The following MPZL1 variants were observed in gnomAD, a reference collection of about 807,000 sequenced individuals.
MPZL1 encodes the protein myelin protein zero like 1, also known as myelin protein zero-like protein 1.
MPZL1 carries 16 observed loss-of-function variants against 29.3 expected under a neutral mutation model. The observed-to-expected ratio is 0.55, with a 90% CI of 0.37 to 0.83. The LOEUF (loss-of-function observed/expected upper bound fraction) is 0.83, where lower values mean the gene tolerates loss of function less well. Ranked by LOEUF, MPZL1 falls within the 40% of genes least tolerant of loss-of-function variation. The probability of loss-of-function intolerance (pLI) is 0.00; values close to 1 mark genes in which losing one functional copy is unlikely to be tolerated. For synonymous variants in MPZL1, 143 were observed against 132.0 expected (o/e 1.08, Z -0.57); for missense variants, 279 against 332.9 (o/e 0.84, Z 1.26).
chr1:167,729,541 C>T (rs1274027745), intron 1 of MPZL1, among the ~76,000 whole-genome samples: 1 of 152,108 alleles, frequency 6.6e-6, no homozygotes, highest in Non-Finnish European at 1.5e-5. Context: ...ATACTTTCTT[C>T]CAAAGGGTGT....
At chr1:167,736,031 A>G (rs939017962) in intron 1 of MPZL1, among the ~76,000 whole-genome samples, 3 of 152,148 alleles carry the variant, frequency 2.0e-5, no homozygotes, top group Non-Finnish European at 4.4e-5. Context: ...GCCATCTGAT[A>G]TTACCAAATC....
intron 1 of MPZL1, among the ~76,000 whole-genome samples, chr1:167,745,780 A>C (rs923253394): frequency 6.6e-6 from 1 of 152,104 alleles, no homozygotes; most frequent in South Asian, 2.1e-4. Context: ...TAGATGCCAG[A>C]AGCCAGGGAG....
chr1:167,749,693 G>C (rs1349211367), intron 1 of MPZL1, among the ~76,000 whole-genome samples: 1 of 152,146 alleles, frequency 6.6e-6, no homozygotes, highest in East Asian at 1.9e-4. Flanking sequence ...TTTAAATTCT[G>C]TTTCTGTTCT....
intron 2 of MPZL1, among the ~76,000 whole-genome samples, chr1:167,772,011 C>G (rs1661260834): frequency 6.6e-6 from 1 of 151,748 alleles, no homozygotes; most frequent in Non-Finnish European, 1.5e-5. Context: ...CAATCCCAGG[C>G]AGTCGGCAGC....
chr1:167,745,413 G>A (rs970955704), intron 1 of MPZL1, among the ~76,000 whole-genome samples: 15 of 152,086 alleles, frequency 9.9e-5, no homozygotes, highest in African/African-American at 3.6e-4. Flanking sequence ...TGTCAAGAAT[G>A]TTTTTGGAAC....
chr1:167,726,103 C>T (rs1660140107), intron 1 of MPZL1, among the ~76,000 whole-genome samples: 1 of 152,144 alleles, frequency 6.6e-6, no homozygotes, highest in African/African-American at 2.4e-5. Flanking sequence ...CCTCTATGAC[C>T]TCAACTTGTA....
intron 1 of MPZL1, among the ~76,000 whole-genome samples, chr1:167,737,056 A>G (rs1660392013): frequency 6.6e-6 from 1 of 152,090 alleles, no homozygotes; most frequent in South Asian, 2.1e-4. Context: ...TAGCTTTCTC[A>G]TCTCAGATGT....
Position 167,788,975 on chromosome 1 carries a change from T to C in MPZL1, c.*1054T>C, listed in dbSNP as rs751889161. The C allele has an allele frequency of 2.7e-5, 4 of 150,802 alleles. No homozygotes were observed. Among genetic ancestry groups the C allele is most frequent in the Admixed American group, 6.7e-5 (1 of 15,020 alleles). The allele number at this position is 150,802 out of a possible 1,614,324, so 9.3% of individuals were successfully genotyped here. On this transcript the variant is annotated 3_prime_UTR_variant, in exon 6 of 6. Transcript: ENST00000359523. ...GATTCTCCCTCCTCAGCCTCCCGAG[T>C]AGCTGGAACGAACTATAGTTGCACC...
chr1:167,738,011 C>T (rs780289214), intron 1 of MPZL1, among the ~76,000 whole-genome samples: 5 of 152,050 alleles, frequency 3.3e-5, no homozygotes, highest in Non-Finnish European at 7.4e-5. Context: ...CTGCAAGCTC[C>T]GCCTCCTGGG....
intron 1 of MPZL1, among the ~76,000 whole-genome samples, chr1:167,764,494 G>T (rs1661066741): frequency 1.3e-5 from 2 of 152,154 alleles, no homozygotes; most frequent in South Asian, 4.2e-4. Flanking sequence ...AGGTATGATT[G>T]CACTAACAAA....
intron 1 of MPZL1, among the ~76,000 whole-genome samples, chr1:167,749,887 A>G (rs1196783908): frequency 6.6e-6 from 1 of 152,256 alleles, no homozygotes; most frequent in East Asian, 1.9e-4. Context: ...CCTGATCTGC[A>G]TGGAGTAGAC....
intron 5 of MPZL1, among the ~76,000 whole-genome samples, chr1:167,782,429 A>C (rs542808066): frequency 7.6e-4 from 115 of 152,244 alleles, no homozygotes; most frequent in African/African-American, 2.7e-3. Flanking sequence ...TAATTTGAAG[A>C]CTGTACTTAC....
Position 167,753,820 on chromosome 1 carries a change from G to T in MPZL1, c.92-11763G>T, listed in dbSNP as rs899277175. 5.3e-5 allele frequency among the ~76,000 whole-genome samples: 8 copies of T among 152,022 alleles called. No individual in the cohort carries two copies. In the East Asian group the frequency reaches 1.5e-3, roughly 29 times the overall value. ...AATTTTCGTATTTTTAGTAGAGATG[G>T]GATTTCACCATGTTGGCCAGGTTGG... On this transcript the variant is annotated intron_variant, in intron 1 of 5. Coordinates refer to ENST00000359523, the MANE Select transcript of MPZL1 (RefSeq NM_003953.6).
chr1:167,763,313 C>T lies in MPZL1; in HGVS notation c.92-2270C>T, dbSNP rs571515088. 3.0e-4 allele frequency among the ~76,000 whole-genome samples: 46 copies of T among 152,056 alleles called. 1 individual carries two copies. The South Asian group carries it at 9.0e-3, about 30-fold the overall frequency. ...GGTGAATCACCTGAGGTCAGGAGTT[C>T]GAGACCAGCCTGGGCAACATGGTGA... On this transcript the variant is annotated intron_variant, in intron 1 of 5. Transcript: ENST00000359523.
At position 167,724,971 on chromosome 1, in the gene MPZL1, G is replaced by T. The variant is rs1219462389; in HGVS notation, c.91+2729G>T. ...CAGGTGAGTTTGGTATTTCAGCATT[G>T]TCAGATGAAGAGAGATAAAATGTGA... On this transcript the variant is annotated intron_variant, in intron 1 of 5. Transcript: ENST00000359523. Among the ~76,000 whole-genome samples the T allele has an allele frequency of 1.3e-5, 2 of 152,214 alleles. 1 individual carries two copies. The highest frequency in any genetic ancestry group is 2.9e-5 in the Non-Finnish European group (2 of 68,032).
chr1:167,787,825 A>G lies in MPZL1; in HGVS notation c.714A>G (p.Pro238=), dbSNP rs1268440615. 2 of 1,611,856 alleles carry G rather than the reference A, an allele frequency of 1.2e-6. No individual in the cohort carries two copies. Among genetic ancestry groups the G allele is most frequent in the African/African-American group, 1.3e-5 (1 of 74,874 alleles). The change falls in exon 6 of 6, where the codon CCA becomes CCG. Residue 238 remains proline, a synonymous_variant. Coordinates refer to ENST00000359523, the MANE Select transcript of MPZL1 (RefSeq NM_003953.6). ...KSLPSGSHQG[P]VIYAQLDHSG... is the part of the protein sequence containing the mutation. Reference sequence around the variant, plus strand: ...CTTCTGCTTCCCTTTTCCAGGGCCCAGTCATATATGCACAGTTAGACCACT... The same window carrying G: ...CTTCTGCTTCCCTTTTCCAGGGCCCGGTCATATATGCACAGTTAGACCACT...
chr1:167,787,846 C>T lies in MPZL1; in HGVS notation c.735C>T (p.Asp245=). The T allele has an allele frequency of 6.2e-7, 1 of 1,613,814 alleles. No individual in the cohort carries two copies. The highest frequency in any genetic ancestry group is 8.5e-7 in the Non-Finnish European group (1 of 1,179,692). ...GCCCAGTCATATATGCACAGTTAGA[C>T]CACTCCGGCGGACATCACAGTGACA... ...HQGPVIYAQL[D]HSGGHHSDKI... The change falls in exon 6 of 6, where the codon GAC becomes GAT. Residue 245 remains aspartate, a synonymous_variant. Coordinates refer to ENST00000359523, the MANE Select transcript of MPZL1 (RefSeq NM_003953.6).
intron 1 of MPZL1, among the ~76,000 whole-genome samples, chr1:167,725,875 C>G (rs1422281142): frequency 6.6e-6 from 1 of 152,224 alleles, no homozygotes; most frequent in Non-Finnish European, 1.5e-5. Context: ...CTCAGCCTCC[C>G]AAAGTGCTGG....
At chr1:167,783,414 T>A (rs1661532968) in intron 5 of MPZL1, among the ~76,000 whole-genome samples, 2 of 152,190 alleles carry the variant, frequency 1.3e-5, no homozygotes, top group Admixed American at 6.5e-5. Flanking sequence ...TGAGGAGTAG[T>A]TGGTTTTCTA....
Sources: allele counts gnomAD v4.1 joint callset (sites outside exome capture counted in the v4.1 genomes callset), GRCh38; gene constraint gnomAD v4.1.1; transcripts MANE v1.5; gene names NCBI Gene and HGNC (gene_info 2026-07-23, HGNC 2026-07-21).